SYT10: variants seen among roughly 807,000 people sequenced by gnomAD.
SYT10 encodes synaptotagmin 10.
A neutral mutation model predicts 51.1 loss-of-function variants in SYT10; 31 were observed. The observed-to-expected ratio is 0.61, with a 90% CI of 0.46 to 0.82. The LOEUF (loss-of-function observed/expected upper bound fraction) is 0.82. Among genes scored for constraint, SYT10 ranks in the 40% least tolerant of loss-of-function variants. The probability of loss-of-function intolerance (pLI) is 0.00; values close to 1 mark genes in which losing one functional copy is unlikely to be tolerated. For missense variants in SYT10, 603 were observed against 634.0 expected (o/e 0.95, Z 0.53); for synonymous variants, 233 against 225.9 (o/e 1.03, Z -0.28).
chr12:33,429,254 T>A (rs1045889525), intron 1 of SYT10, among the ~76,000 whole-genome samples: 5 of 152,164 alleles, frequency 3.3e-5, no homozygotes, highest in African/African-American at 7.2e-5. Flanking sequence ...AGGTTATAGG[T>A]CTCGAGGCAG....
At chr12:33,382,841 C>T (rs965328912) in intron 4 of SYT10, among the ~76,000 whole-genome samples, 7 of 151,926 alleles carry the variant, frequency 4.6e-5, no homozygotes, top group African/African-American at 1.5e-4. Context: ...TGGAAAAGGA[C>T]CTAAAATTAA....
In SYT10 at chr12:33,426,472, C is replaced by T. The variant is rs1866553808; in HGVS notation, c.175G>A (p.Val59Ile). 1 of 1,599,550 alleles carries T rather than the reference C, an allele frequency of 6.3e-7. No homozygotes were observed. ...GCCAGTCCACAAAAGCTGACAACGA[C>T]AGCTAACAGGCTGACTGAAATATCT... ...STDISVSLLA[V>I]VVSFCGLALL... Residue 59 changes from valine to isoleucine, a missense_variant, in exon 2 of 7, where the codon GTC becomes ATC. Physicochemically the swap from Val to Ile is conservative, Grantham distance 29. Coordinates refer to ENST00000228567, the MANE Select transcript of SYT10 (RefSeq NM_198992.4).
At position 33,385,378 on chromosome 12, in the gene SYT10, A is replaced by G. The variant is rs1866149080; in HGVS notation, c.1078-87T>C. On this transcript the variant is annotated intron_variant, in intron 3 of 6. Transcript: ENST00000228567. ...CATTTTAGTAGAATACTGGAATGTC[A>G]TTTTAAATTGTTTTATTGAGGATAA... is the stretch of plus-strand genomic sequence containing the variant. 5 of 1,518,358 alleles carry G rather than the reference A, an allele frequency of 3.3e-6. No individual in the cohort carries two copies. The South Asian group carries it at 4.9e-5, about 15-fold the overall frequency. 94.1% of individuals were successfully genotyped at this position (1,518,358 alleles called of 1,614,324 possible). A position where few individuals can be genotyped will look rare whatever the true frequency, so the allele number is the denominator to read the frequency against.
At chr12:33,399,165 T>C (rs1866282240) in intron 3 of SYT10, among the ~76,000 whole-genome samples, 1 of 152,196 alleles carries the variant, frequency 6.6e-6, no homozygotes, top group Non-Finnish European at 1.5e-5. Flanking sequence ...ACCCCAAATA[T>C]TATGACTAAA....
intron 2 of SYT10, among the ~76,000 whole-genome samples, chr12:33,425,007 C>G (rs1358273577): frequency 6.6e-6 from 1 of 151,936 alleles, no homozygotes; most frequent in African/African-American, 2.4e-5. Context: ...CTTACTTATC[C>G]CTCTGGAATA....
intron 3 of SYT10, among the ~76,000 whole-genome samples, chr12:33,386,130 C>T (rs1485708760): frequency 2.0e-5 from 3 of 152,138 alleles, no homozygotes; most frequent in East Asian, 1.9e-4. Flanking sequence ...AAGCAATTCT[C>T]CTGTCTCAGC....
Position 33,431,673 on chromosome 12 carries a change from T to C in SYT10, c.152-5178A>G, listed in dbSNP as rs182050234. On this transcript the variant is annotated intron_variant, in intron 1 of 6. Coordinates refer to ENST00000228567, the MANE Select transcript of SYT10 (RefSeq NM_198992.4). Reference sequence around the variant, plus strand: ...AGCTAACAGCTAAGCAGTAATTGTGTCATAATTTTTGTTATTTGTGTATGC... The same window carrying C: ...AGCTAACAGCTAAGCAGTAATTGTGCCATAATTTTTGTTATTTGTGTATGC... Among the ~76,000 whole-genome samples the C allele has an allele frequency of 1.3e-4, 20 of 152,342 alleles. No homozygotes were observed. In the East Asian group the frequency reaches 3.3e-3, roughly 25 times the overall value.
intron 2 of SYT10, among the ~76,000 whole-genome samples, chr12:33,412,582 T>C (rs1866416062): frequency 6.6e-6 from 1 of 151,990 alleles, no homozygotes; most frequent in Non-Finnish European, 1.5e-5. Flanking sequence ...AAAGTAATGG[T>C]AAAAACCGCA....
chr12:33,378,400 G>A (rs1182166178), intron 6 of SYT10, among the ~76,000 whole-genome samples: 4 of 152,182 alleles, frequency 2.6e-5, no homozygotes, highest in Non-Finnish European at 5.9e-5. Flanking sequence ...TTCCTTGAGA[G>A]TTCTTGCTCA....
chr12:33,384,912 G>T (rs1287640460), intron 4 of SYT10, among the ~76,000 whole-genome samples: 2 of 152,150 alleles, frequency 1.3e-5, no homozygotes, highest in African/African-American at 4.8e-5. Context: ...ATGTATTTTT[G>T]AGACAGTACT....
At chr12:33,431,113 C>G (rs948903199) in intron 1 of SYT10, among the ~76,000 whole-genome samples, 3 of 152,068 alleles carry the variant, frequency 2.0e-5, no homozygotes, top group African/African-American at 7.2e-5. Flanking sequence ...TCCAAGATGG[C>G]AAGCTACTAC....
chr12:33,424,377 A>T (rs970899562), intron 2 of SYT10, among the ~76,000 whole-genome samples: 1 of 152,158 alleles, frequency 6.6e-6, no homozygotes, highest in African/African-American at 2.4e-5. Flanking sequence ...TCCACATATA[A>T]TCTGTACATA....
At chr12:33,409,436 C>G (rs1866386780) in intron 2 of SYT10, among the ~76,000 whole-genome samples, 2 of 151,890 alleles carry the variant, frequency 1.3e-5, no homozygotes, top group South Asian at 4.1e-4. Flanking sequence ...AGGCTGGTCT[C>G]AAACTCCTGA....
intron 1 of SYT10, among the ~76,000 whole-genome samples, chr12:33,436,780 A>C (rs1866641384): frequency 6.6e-6 from 1 of 152,158 alleles, no homozygotes; most frequent in Admixed American, 6.5e-5. Context: ...AAATATACAC[A>C]ATTTTGGAGC....
intron 6 of SYT10, 148 bp downstream of exon 6, chr12:33,379,684 G>A (rs1210186883): frequency 3.0e-6 from 3 of 1,015,586 alleles, no homozygotes; most frequent in Non-Finnish European, 4.1e-6. Flanking sequence ...TTAAATGTTA[G>A]ACAATGTGGG....
intron 1 of SYT10, among the ~76,000 whole-genome samples, chr12:33,434,980 A>G (rs1383530095): frequency 6.6e-6 from 1 of 152,198 alleles, no homozygotes; most frequent in Non-Finnish European, 1.5e-5. Context: ...GAATATAATC[A>G]CATGTTCAAA....
At position 33,439,578 on chromosome 12, in the gene SYT10, T is replaced by G; in HGVS notation, c.-56A>C. On this transcript the variant is annotated 5_prime_UTR_variant, in exon 1 of 7. Transcript: ENST00000228567. ...TTCCCAGTTAGCCGTCTTTTCCTCT[T>G]CCCGTACCTCTAACCCCTCTGGCGC... The G allele has an allele frequency of 6.3e-7, 1 of 1,586,926 alleles. No homozygotes were observed. The highest frequency in any genetic ancestry group is 1.1e-5 in the South Asian group (1 of 87,112).
intron 1 of SYT10, among the ~76,000 whole-genome samples, chr12:33,427,300 C>T (rs1459297834): frequency 6.6e-6 from 1 of 152,080 alleles, no homozygotes; most frequent in Admixed American, 6.6e-5. Context: ...AAGAAGGTGT[C>T]ATCTATGAAC....
chr12:33,413,095 C>G (rs2138421012), intron 2 of SYT10, among the ~76,000 whole-genome samples: 1 of 152,060 alleles, frequency 6.6e-6, no homozygotes, highest in Non-Finnish European at 1.5e-5. Flanking sequence ...GACTGAAGAT[C>G]AAATTAATGA....
Sources: gnomAD v4.1 joint callset for allele counts (sites outside exome capture counted in the v4.1 genomes callset) on GRCh38, gnomAD v4.1.1 for gene constraint, MANE v1.5 for transcripts, NCBI Gene and HGNC (gene_info 2026-07-23, HGNC 2026-07-21) for gene names.